Variants in ERBB4 observed in about 807,000 individuals in gnomAD.
ERBB4 encodes receptor tyrosine-protein kinase erbB-4.
A neutral mutation model predicts 158.0 loss-of-function variants in ERBB4; 42 were observed. The ratio of observed to expected loss-of-function variants is 0.27; its 90% CI spans 0.21 to 0.34. The LOEUF is 0.34. Among genes scored for constraint, ERBB4 ranks in the 10% least tolerant of loss-of-function variants. The pLI, the probability that ERBB4 is intolerant of heterozygous loss-of-function variation, is 1.00. For synonymous variants in ERBB4, 583 were observed against 558.7 expected, an observed-to-expected ratio of 1.04 and a Z score of -0.61; for missense variants, 1,333 against 1,624.1, an observed-to-expected ratio of 0.82 and a Z score of 3.08.
intron 3 of ERBB4, among the ~76,000 whole-genome samples, chr2:211,812,867 C>T (rs1575183276): frequency 6.6e-6 from 1 of 152,224 alleles, no homozygotes; most frequent in East Asian, 1.9e-4. Flanking sequence ...GGGATATTAT[C>T]TCCTGGTGTG....
intron 3 of ERBB4, among the ~76,000 whole-genome samples, chr2:211,852,038 T>C (rs1461444435): frequency 6.6e-6 from 1 of 151,944 alleles, no homozygotes; most frequent in Non-Finnish European, 1.5e-5. Flanking sequence ...TATATCACTA[T>C]TGTCATTATC....
At chr2:211,690,757 T>C (rs2072781641) in intron 12 of ERBB4, among the ~76,000 whole-genome samples, 1 of 152,194 alleles carries the variant, frequency 6.6e-6, no homozygotes, top group Non-Finnish European at 1.5e-5. Flanking sequence ...TCTGACTTCC[T>C]GCAGTGATAG....
At chr2:212,483,554 C>G (rs1689817865) in intron 1 of ERBB4, among the ~76,000 whole-genome samples, 1 of 152,158 alleles carries the variant, frequency 6.6e-6, no homozygotes, top group African/African-American at 2.4e-5. Flanking sequence ...ATAGCCAATG[C>G]TCCACATTTC....
At chr2:211,873,217 C>G (rs2078397355) in intron 3 of ERBB4, among the ~76,000 whole-genome samples, 1 of 152,242 alleles carries the variant, frequency 6.6e-6, no homozygotes, top group Non-Finnish European at 1.5e-5. Flanking sequence ...ATCACAGAGT[C>G]TTAGAACTAG....
At chr2:211,575,387 C>T (rs2067859449) in intron 19 of ERBB4, among the ~76,000 whole-genome samples, 1 of 152,198 alleles carries the variant, frequency 6.6e-6, no homozygotes, top group African/African-American at 2.4e-5. Flanking sequence ...TCAGGAGGAA[C>T]TAAGACTACT....
intron 5 of ERBB4, among the ~76,000 whole-genome samples, chr2:211,735,912 G>C (rs2074583639): frequency 6.6e-6 from 1 of 151,904 alleles, no homozygotes; most frequent in African/African-American, 2.4e-5. Flanking sequence ...CAGCACTTTG[G>C]GAGGCTGAGG....
At chr2:211,661,873 A>G (rs2071433478) in intron 15 of ERBB4, among the ~76,000 whole-genome samples, 1 of 149,844 alleles carries the variant, frequency 6.7e-6, no homozygotes, top group East Asian at 1.9e-4. Context: ...CCCCGTCTCT[A>G]CTAAAAATAC....
intron 4 of ERBB4, chr2:211,779,092 G>A (rs1357831833): frequency 2.0e-5 from 3 of 152,142 alleles, no homozygotes; most frequent in Non-Finnish European, 2.9e-5. Flanking sequence ...TTTATCATAT[G>A]GGCTCACCAT....
intron 2 of ERBB4, among the ~76,000 whole-genome samples, chr2:212,066,267 T>C (rs542250619): frequency 6.6e-6 from 1 of 152,118 alleles, no homozygotes; most frequent in East Asian, 1.9e-4. Context: ...GTATAATGAC[T>C]TGATGACTTT....
intron 1 of ERBB4, among the ~76,000 whole-genome samples, chr2:212,136,049 C>G (rs551081451): frequency 6.6e-6 from 1 of 152,164 alleles, no homozygotes; most frequent in African/African-American, 2.4e-5. Context: ...ACCATCCCCT[C>G]GTGTCTAATA....
chr2:212,446,819 G>T (rs1446951539), intron 1 of ERBB4, among the ~76,000 whole-genome samples: 3 of 149,894 alleles, frequency 2.0e-5, no homozygotes. Context: ...ATTAGGTAAA[G>T]CTGAAGTTCA....
intron 17 of ERBB4, 99 bp from the exon 18 acceptor site, chr2:211,624,143 A>C (rs1011158943): frequency 1.5e-5 from 22 of 1,420,156 alleles, no homozygotes; most frequent in South Asian, 1.5e-4. Context: ...CTTTCTTACA[A>C]AGAAAAACAC....
chr2:212,500,341 T>C (rs1384032628), intron 1 of ERBB4, among the ~76,000 whole-genome samples: 1 of 152,070 alleles, frequency 6.6e-6, no homozygotes, highest in African/African-American at 2.4e-5. Flanking sequence ...CTCCAGATAA[T>C]TGGCAGTTTT....
chr2:211,835,177 T>C (rs190489092), intron 3 of ERBB4, among the ~76,000 whole-genome samples: 2 of 152,254 alleles, frequency 1.3e-5, no homozygotes, highest in Admixed American at 1.3e-4. Flanking sequence ...CAGCTCTGCT[T>C]CATTAACCAT....
chr2:211,548,479 G>A (rs545871901), intron 20 of ERBB4, among the ~76,000 whole-genome samples: 4 of 151,956 alleles, frequency 2.6e-5, no homozygotes, highest in South Asian at 4.2e-4. Flanking sequence ...AGAGGTATAC[G>A]ACCTCATATT....
At chr2:211,485,028 A>C (rs937156068) in intron 20 of ERBB4, among the ~76,000 whole-genome samples, 5 of 152,170 alleles carry the variant, frequency 3.3e-5, no homozygotes, top group African/African-American at 1.2e-4. Flanking sequence ...GTAAAATTCA[A>C]GGGTGGTCAG....
At chr2:211,885,513 T>C (rs1441843737) in intron 3 of ERBB4, among the ~76,000 whole-genome samples, 3 of 152,150 alleles carry the variant, frequency 2.0e-5, no homozygotes, top group East Asian at 1.9e-4. Flanking sequence ...TGGAGTATAC[T>C]GGCATGATCT....
chr2:212,395,853 G>A (rs954062641), intron 1 of ERBB4, among the ~76,000 whole-genome samples: 6 of 151,932 alleles, frequency 3.9e-5, no homozygotes, highest in East Asian at 1.9e-4. Flanking sequence ...TCTTGACCTC[G>A]TGATCTGCCT....
At chr2:211,746,084 T>C (rs1192231297) in intron 5 of ERBB4, among the ~76,000 whole-genome samples, 6 of 152,226 alleles carry the variant, frequency 3.9e-5, no homozygotes, top group Admixed American at 3.3e-4. Flanking sequence ...ATTTTTAAAA[T>C]GGAAATATTT....
Sources: gnomAD v4.1 joint callset for allele counts (sites outside exome capture counted in the v4.1 genomes callset) on GRCh38, gnomAD v4.1.1 for gene constraint, MANE v1.5 for transcripts, NCBI Gene and HGNC (gene_info 2026-07-23, HGNC 2026-07-21) for gene names.